Variants in GRIA1 observed in about 807,000 individuals in gnomAD.
The protein encoded by GRIA1 is glutamate ionotropic receptor AMPA type subunit 1.
Under a neutral mutation model 99.2 loss-of-function variants are expected in GRIA1, and 31 were observed. The ratio of observed to expected loss-of-function variants is 0.31; its 90% CI spans 0.23 to 0.42. GRIA1 has a LOEUF of 0.42. Among genes scored for constraint, GRIA1 ranks in the 10% least tolerant of loss-of-function variants. The pLI, the probability that GRIA1 is intolerant of heterozygous loss-of-function variation, is 1.00. For missense variants in GRIA1, 782 were observed against 1,157.5 expected, an observed-to-expected ratio of 0.68 and a Z score of 4.71; for synonymous variants, 438 against 432.4, an observed-to-expected ratio of 1.01 and a Z score of -0.16.
intron 5 of GRIA1, among the ~76,000 whole-genome samples, chr5:153,665,491 G>A (rs546407500): frequency 1.3e-5 from 2 of 152,326 alleles, no homozygotes; most frequent in African/African-American, 4.8e-5. Flanking sequence ...ATTATATAGG[G>A]AGAGGACACC....
Position 153,520,339 on chromosome 5 carries a change from A to G in GRIA1, c.220+26274A>G, listed in dbSNP as rs146845196. Among the ~76,000 whole-genome samples the G allele has an allele frequency of 7.2e-3, 1,093 of 152,332 alleles. 12 individuals carry two copies. The highest frequency in any genetic ancestry group is 0.025 in the African/African-American group (1,051 of 41,580). On this transcript the variant is annotated intron_variant, in intron 2 of 15. Transcript: ENST00000285900. ...GCTAGCTCTCTCAGGGGAATCCAGA[A>G]CAATGCAGTGCCACCCACAGTGGAG... is the stretch of plus-strand genomic sequence containing the variant.
chr5:153,648,838 A>ACCCC (rs35300119), intron 3 of GRIA1, among the ~76,000 whole-genome samples: 47 of 148,130 alleles, frequency 3.2e-4, no homozygotes, highest in African/African-American at 1.2e-3. Context: ...TAATAATGAC[A>ACCCC]CCCCCCCCCA....
intron 2 of GRIA1, among the ~76,000 whole-genome samples, chr5:153,566,716 CTTTTTT>C (rs56127811): frequency 8.6e-6 from 1 of 116,558 alleles, no homozygotes; most frequent in African/African-American, 3.2e-5. Context: ...CAAATATTGT[CTTTTTT>C]TTTTTTTTTT....
chr5:153,778,651 CCACACACACA>C lies in GRIA1; in HGVS notation c.2270+8263_2270+8272del, dbSNP rs57534899. On this transcript the variant is annotated intron_variant, in intron 13 of 15. Coordinates refer to ENST00000285900, the MANE Select transcript of GRIA1 (RefSeq NM_000827.4). ...AAGATTATTTAATCATCACCCCCCA[CCACACACACA>C]CACACACACACACACACACACACAC... Among the ~76,000 whole-genome samples the C allele has an allele frequency of 3.7e-3, 550 of 147,364 alleles. 2 individuals are homozygous for C. The highest frequency in any genetic ancestry group is 0.012 in the African/African-American group (501 of 40,220).
At chr5:153,632,406 G>C (rs1050336251) in intron 2 of GRIA1, among the ~76,000 whole-genome samples, 7 of 152,170 alleles carry the variant, frequency 4.6e-5, no homozygotes, top group African/African-American at 1.7e-4. Context: ...GTGATCTGAT[G>C]GGGGAGAAAA....
intron 11 of GRIA1, among the ~76,000 whole-genome samples, chr5:153,762,020 G>C (rs1763218404): frequency 1.3e-5 from 2 of 152,190 alleles, no homozygotes; most frequent in Non-Finnish European, 2.9e-5. Flanking sequence ...GGGGAAGTGA[G>C]GGGGAGGGGT....
rs141982755 is a variant in GRIA1, at chr5:153,702,162, G to T, written c.1452+3089G>T. 7.3e-3 allele frequency among the ~76,000 whole-genome samples: 1,107 copies of T among 152,324 alleles called. 5 individuals carry two copies. Among genetic ancestry groups the T allele is most frequent in the Non-Finnish European group, 0.011 (739 of 68,030 alleles). On this transcript the variant is annotated intron_variant, in intron 10 of 15. Transcript: ENST00000285900. ...TCTGTAGAAATCCCACCATCCAAAT[G>T]CTAGGCGGTAAAACCAATATTAACT...
At chr5:153,800,201 T>A (rs1765917374) in intron 14 of GRIA1, among the ~76,000 whole-genome samples, 1 of 152,148 alleles carries the variant, frequency 6.6e-6, no homozygotes, top group Admixed American at 6.5e-5. Flanking sequence ...CCTTCTGAGC[T>A]CCACTGTCAA....
intron 3 of GRIA1, among the ~76,000 whole-genome samples, chr5:153,647,583 A>G (rs1754250343): frequency 1.3e-5 from 2 of 152,210 alleles, no homozygotes; most frequent in African/African-American, 2.4e-5. Flanking sequence ...TCTCATGTCT[A>G]TAATGAGGAT....
At chr5:153,653,164 A>C (rs1442139121) in intron 4 of GRIA1, among the ~76,000 whole-genome samples, 1 of 152,252 alleles carries the variant, frequency 6.6e-6, no homozygotes, top group African/African-American at 2.4e-5. Context: ...TATTCAATAC[A>C]TTCTTTTCAG....
At chr5:153,658,251 A>G (rs936514503) in intron 5 of GRIA1, among the ~76,000 whole-genome samples, 2 of 152,200 alleles carry the variant, frequency 1.3e-5, no homozygotes, top group African/African-American at 4.8e-5. Context: ...GGGGATAGGC[A>G]TAATTACCTC....
chr5:153,496,479 T>C (rs1189748119), intron 2 of GRIA1, among the ~76,000 whole-genome samples: 3 of 152,230 alleles, frequency 2.0e-5, no homozygotes. Flanking sequence ...ATGGGGATTA[T>C]CTGAGAAGCA....
chr5:153,695,942 A>C (rs1204037546), intron 8 of GRIA1, among the ~76,000 whole-genome samples: 5 of 152,206 alleles, frequency 3.3e-5, no homozygotes, highest in Non-Finnish European at 5.9e-5. Context: ...GTTCTAGACT[A>C]AGACAGGAAC....
intron 5 of GRIA1, among the ~76,000 whole-genome samples, chr5:153,673,703 T>C (rs1043724478): frequency 1.3e-5 from 2 of 152,218 alleles, no homozygotes; most frequent in African/African-American, 4.8e-5. Flanking sequence ...TAAAAAAGGA[T>C]AAACTGAAAT....
At chr5:153,579,100 T>TAACA (rs1337102256) in intron 2 of GRIA1, among the ~76,000 whole-genome samples, 42 of 152,130 alleles carry the variant, frequency 2.8e-4, no homozygotes, top group Admixed American at 1.3e-4. Context: ...AATTGTTTCA[T>TAACA]AACAATATGA....
At chr5:153,604,260 A>T (rs1011885285) in intron 2 of GRIA1, among the ~76,000 whole-genome samples, 1 of 152,164 alleles carries the variant, frequency 6.6e-6, no homozygotes, top group Non-Finnish European at 1.5e-5. Context: ...TTGCCTCAGA[A>T]TGAAACCACA....
intron 2 of GRIA1, among the ~76,000 whole-genome samples, chr5:153,631,706 T>C (rs1219733100): frequency 6.6e-6 from 1 of 152,208 alleles, no homozygotes; most frequent in East Asian, 1.9e-4. Flanking sequence ...GTTTTTTTGG[T>C]ATATTTTTTA....
Position 153,789,879 on chromosome 5 carries a change from ATAT to A in GRIA1, c.2271-4740_2271-4738del, listed in dbSNP as rs529027919. On this transcript the variant is annotated intron_variant, in intron 13 of 15. Transcript: ENST00000285900. ...GGTCAGCTCGATGGTAATCATAATA[ATAT>A]TGTTGTTGTTGTTGTTGTTGTTATT... Among the ~76,000 whole-genome samples the A allele has an allele frequency of 2.8e-5, 4 of 141,738 alleles. 1 individual carries two copies. In the South Asian group the frequency reaches 9.9e-4, roughly 35 times the overall value. The allele number at this position is 141,738 out of a possible 152,430, so 93.0% of individuals were successfully genotyped here.
chr5:153,695,325 CT>C (rs1226651031), intron 8 of GRIA1, among the ~76,000 whole-genome samples: 4 of 152,166 alleles, frequency 2.6e-5, no homozygotes, highest in African/African-American at 9.7e-5. Context: ...TACCAGAGTG[CT>C]TTTAAACATC....
Sources: gnomAD v4.1 joint callset for allele counts (sites outside exome capture counted in the v4.1 genomes callset) on GRCh38, gnomAD v4.1.1 for gene constraint, MANE v1.5 for transcripts, NCBI Gene and HGNC (gene_info 2026-07-23, HGNC 2026-07-21) for gene names.